Variants in SEC63 observed in about 807,000 individuals in gnomAD.
The protein encoded by SEC63 is SEC63 protein translocation regulator.
A neutral mutation model predicts 116.2 loss-of-function variants in SEC63; 56 were observed. That is an observed-to-expected ratio of 0.48 (90% CI 0.39 to 0.60). SEC63 has a LOEUF of 0.60. Among genes scored for constraint, SEC63 ranks in the 20% least tolerant of loss-of-function variants. SEC63 has a pLI of 0.00. For synonymous variants in SEC63, 273 were observed against 294.6 expected (o/e 0.93, Z 0.75); for missense variants, 668 against 900.0 (o/e 0.74, Z 3.30).
intron 1 of SEC63, among the ~76,000 whole-genome samples, chr6:107,953,880 C>T (rs1300492800): frequency 3.3e-5 from 5 of 151,426 alleles, no homozygotes; most frequent in African/African-American, 9.7e-5. Flanking sequence ...CCGCCCGGTC[C>T]GGGAGGTGAG....
intron 3 of SEC63, among the ~76,000 whole-genome samples, chr6:107,923,850 A>C (rs1787611453): frequency 1.3e-5 from 2 of 152,090 alleles, no homozygotes; most frequent in South Asian, 4.1e-4. Context: ...CCCCCAACCT[A>C]GATTTTACAT....
chr6:107,893,148 A>G (rs1786728471), intron 16 of SEC63, among the ~76,000 whole-genome samples: 1 of 121,990 alleles, frequency 8.2e-6, no homozygotes, highest in African/African-American at 3.2e-5. Flanking sequence ...ACACACACAC[A>G]CACACACAGA....
chr6:107,879,329 A>G (rs903440768), intron 18 of SEC63, among the ~76,000 whole-genome samples: 2 of 151,920 alleles, frequency 1.3e-5, no homozygotes. Context: ...ACGCCCGGCT[A>G]ATGTTTTTAT....
intron 11 of SEC63, among the ~76,000 whole-genome samples, chr6:107,903,675 A>T (rs1441214152): frequency 1.3e-5 from 2 of 152,220 alleles, no homozygotes; most frequent in Non-Finnish European, 2.9e-5. Context: ...ACTGGACTCC[A>T]GCCCTGGTAG....
chr6:107,876,714 A>C (rs759682425), intron 18 of SEC63, 52 bp from the exon 19 acceptor site: 2 of 1,210,370 alleles, frequency 1.7e-6, no homozygotes, highest in South Asian at 2.5e-5. Context: ...ATAATCAGAA[A>C]GAACTAGAAA....
intron 1 of SEC63, among the ~76,000 whole-genome samples, chr6:107,956,639 C>CA (rs1236954301): frequency 6.6e-6 from 1 of 152,036 alleles, no homozygotes; most frequent in African/African-American, 2.4e-5. Context: ...GTCAAACGTA[C>CA]AAAATGATGC....
At chr6:107,902,282 C>G (rs1164983055) in intron 12 of SEC63, among the ~76,000 whole-genome samples, 1 of 151,726 alleles carries the variant, frequency 6.6e-6, no homozygotes, top group Non-Finnish European at 1.5e-5. Context: ...CTATCAAATC[C>G]AATGTCTATT....
chr6:107,906,592 A>C lies in SEC63; in HGVS notation c.829-12T>G. 1 of 1,610,874 alleles carries C rather than the reference A, an allele frequency of 6.2e-7. No homozygotes were observed. On this transcript the variant is annotated splice_polypyrimidine_tract_variant and intron_variant, in intron 9 of 20. Transcript: ENST00000369002. ...ATTTCTCTGATTAGCTAGAATAAAT[A>C]AAATAATTATTCAAAAACACGCTTT... is the stretch of plus-strand genomic sequence containing the variant.
chr6:107,917,192 T>G (rs1311644441), intron 4 of SEC63, among the ~76,000 whole-genome samples: 1 of 152,224 alleles, frequency 6.6e-6, no homozygotes, highest in Non-Finnish European at 1.5e-5. Flanking sequence ...CCCAACCTAT[T>G]CCTTTAATTC....
rs1166659480 is a variant in SEC63, at chr6:107,897,774, A to C, written c.1358-43T>G. On this transcript the variant is annotated intron_variant, in intron 13 of 20. Coordinates refer to ENST00000369002, the MANE Select transcript of SEC63 (RefSeq NM_007214.5). ...AAAAAACAGCAAAAAATAAAAATCA[A>C]GTTCTATGTTAATGCAAACAGCAAA... 1.0e-5 allele frequency: 14 copies of C among 1,357,176 alleles called. No homozygotes were observed. The East Asian group carries it at 3.2e-4, about 31-fold the overall frequency. 84.1% of individuals were successfully genotyped at this position (1,357,176 alleles called of 1,614,324 possible).
chr6:107,953,501 C>T (rs1376778490), intron 1 of SEC63, among the ~76,000 whole-genome samples: 4 of 141,360 alleles, frequency 2.8e-5, no homozygotes, highest in Non-Finnish European at 6.2e-5. Flanking sequence ...CCCGGCCAGC[C>T]GCCCCGTCCG....
chr6:107,914,169 T>C (rs546759916), intron 4 of SEC63, among the ~76,000 whole-genome samples: 6 of 152,268 alleles, frequency 3.9e-5, no homozygotes, highest in African/African-American at 1.2e-4. Flanking sequence ...CCAGTGAAGA[T>C]GTTAAAAAGC....
In SEC63 at chr6:107,939,369, CCTAAAG is replaced by C. The variant is rs568361162; in HGVS notation, c.125-9861_125-9856del. 1.1e-3 allele frequency among the ~76,000 whole-genome samples: 175 copies of C among 152,294 alleles called. 1 individual carries two copies. The highest frequency in any genetic ancestry group is 4.1e-3 in the African/African-American group (169 of 41,564). Reference sequence around the variant, plus strand: ...CTCAATCTTTTCCAAAACAGCTTTACCTAAAGCTGCAGATTAGCTTATTCGATGTAT... The same window carrying C: ...CTCAATCTTTTCCAAAACAGCTTTACCTGCAGATTAGCTTATTCGATGTAT... On this transcript the variant is annotated intron_variant, in intron 1 of 20. Coordinates refer to ENST00000369002, the MANE Select transcript of SEC63 (RefSeq NM_007214.5).
intron 1 of SEC63, among the ~76,000 whole-genome samples, chr6:107,937,930 G>C (rs1417616164): frequency 6.6e-6 from 1 of 152,102 alleles, no homozygotes; most frequent in African/African-American, 2.4e-5. Context: ...TTCTGGATTA[G>C]ACCTTTGTTG....
chr6:107,869,340 T>C lies in SEC63; in HGVS notation c.*2364A>G, dbSNP rs1562309457. 6.6e-6 allele frequency: 1 copy of C among 152,194 alleles called. No individual in the cohort carries two copies. The highest frequency in any genetic ancestry group is 1.5e-5 in the Non-Finnish European group (1 of 68,034). The allele number at this position is 152,194 out of a possible 1,614,324, so 9.4% of individuals were successfully genotyped here. On this transcript the variant is annotated 3_prime_UTR_variant, in exon 21 of 21. Coordinates refer to ENST00000369002, the MANE Select transcript of SEC63 (RefSeq NM_007214.5). ...ACAACTGCTACACTTTGAATTGTGG[T>C]AAGTCTCCTCATGAACAGCTGTATT...
In SEC63 at chr6:107,922,902, A is replaced by C. The variant is rs983605986; in HGVS notation, c.340-993T>G. ...AAAGTAAAAGTAAGTGCCATGGGGG[A>C]GAAAATAGAAAGAGCACTAGATTGA... is the stretch of plus-strand genomic sequence containing the variant. On this transcript the variant is annotated intron_variant, in intron 3 of 20. Transcript: ENST00000369002. Among the ~76,000 whole-genome samples the C allele has an allele frequency of 2.6e-5, 4 of 152,232 alleles. No individual in the cohort carries two copies. The East Asian group carries it at 7.7e-4, about 29-fold the overall frequency.
intron 1 of SEC63, among the ~76,000 whole-genome samples, chr6:107,945,345 C>T (rs1188403012): frequency 2.0e-5 from 3 of 147,140 alleles, no homozygotes; most frequent in African/African-American, 7.6e-5. Flanking sequence ...CTCACTCTGT[C>T]GCCCAGGCTG....
At chr6:107,872,975 A>C (rs1786169438) in intron 19 of SEC63, 63 bp from the exon 20 acceptor site, 5 of 1,048,238 alleles carry the variant, frequency 4.8e-6, no homozygotes, top group Non-Finnish European at 5.8e-6. Flanking sequence ...CACTCCCTAA[A>C]ATTCCTAGAC....
intron 12 of SEC63, among the ~76,000 whole-genome samples, chr6:107,901,765 A>T (rs1787010545): frequency 6.6e-6 from 1 of 152,066 alleles, no homozygotes; most frequent in African/African-American, 2.4e-5. Flanking sequence ...GAAAAAACAA[A>T]GTTGGAGGGA....
Sources: allele counts gnomAD v4.1 joint callset (sites outside exome capture counted in the v4.1 genomes callset), GRCh38; gene constraint gnomAD v4.1.1; transcripts MANE v1.5; gene names NCBI Gene and HGNC (gene_info 2026-07-23, HGNC 2026-07-21).